UNC5A: variants seen among roughly 807,000 people sequenced by gnomAD.
The protein encoded by UNC5A is netrin receptor UNC5A.
Under a neutral mutation model 87.4 loss-of-function variants are expected in UNC5A, and 20 were observed. The ratio of observed to expected loss-of-function variants is 0.23; its 90% confidence interval spans 0.16 to 0.33. The LOEUF (loss-of-function observed/expected upper bound fraction) is 0.33. Ranked by LOEUF, UNC5A falls within the 10% of genes least tolerant of loss-of-function variation. The pLI is 1.00. For synonymous variants in UNC5A, 438 were observed against 482.3 expected (o/e 0.91, Z 1.20); for missense variants, 844 against 1,133.4 (o/e 0.74, Z 3.67).
chr5:176,853,605 C>G (rs976939406), intron 1 of UNC5A, among the ~76,000 whole-genome samples: 2 of 152,240 alleles, frequency 1.3e-5, no homozygotes, highest in African/African-American at 4.8e-5. Context: ...GAGTGCCGTG[C>G]TTGCCTGTAT....
At position 176,874,513 on chromosome 5, in the gene UNC5A, T is replaced by A; in HGVS notation, c.1325T>A (p.Met442Lys). Reference sequence around the variant, plus strand: ...TCCCTGCCCCGAGGCACCAGCAACATGACCTATGGGACCTTCAACTTCCTC... The same window carrying A: ...TCCCTGCCCCGAGGCACCAGCAACAAGACCTATGGGACCTTCAACTTCCTC... ...FRSLPRGTSN[M>K]TYGTFNFLGG... The change falls in exon 8 of 15, where the codon ATG becomes AAG. Residue 442 changes from methionine to lysine, a missense_variant. Physicochemically the swap from Met to Lys is moderately conservative, Grantham distance 95. Transcript: ENST00000329542. The surrounding 1 kb of genome is among the most constrained non-coding windows in gnomAD (Gnocchi z 7.6). The A allele has an allele frequency of 6.2e-7, 1 of 1,606,702 alleles. No homozygotes were observed. The highest frequency in any genetic ancestry group is 8.5e-7 in the Non-Finnish European group (1 of 1,175,598).
In UNC5A at chr5:176,873,838, A is replaced by G. The variant is rs117149017; in HGVS notation, c.887-130A>G. 2.0e-4 allele frequency: 184 copies of G among 897,650 alleles called. No individual in the cohort carries two copies. The East Asian group carries it at 4.5e-3, about 22-fold the overall frequency. The allele number at this position is 897,650 out of a possible 1,614,324, so 55.6% of individuals were successfully genotyped here. A position where few individuals can be genotyped will look rare whatever the true frequency, so the allele number is the denominator to read the frequency against. ...CACGGACTCCATGCTCCCTGCCACA[A>G]GCGTCTGCTCCCTAGCTAGTGCAGA... On this transcript the variant is annotated intron_variant, in intron 6 of 14. Coordinates refer to ENST00000329542, the MANE Select transcript of UNC5A (RefSeq NM_133369.3).
At chr5:176,828,283 A>T (rs1195962488) in intron 1 of UNC5A, among the ~76,000 whole-genome samples, 1 of 152,116 alleles carries the variant, frequency 6.6e-6, no homozygotes, top group Non-Finnish European at 1.5e-5. Context: ...AGTGATTAAG[A>T]GGTATTTGTT....
chr5:176,831,209 C>T lies in UNC5A; in HGVS notation c.70+20389C>T, dbSNP rs367669541. ...AATTATTGTTTTAATTACCTGCTGT[C>T]GCCATACAAGACAGGGAGGTTGTAA... On this transcript the variant is annotated intron_variant, in intron 1 of 14. Coordinates refer to ENST00000329542, the MANE Select transcript of UNC5A (RefSeq NM_133369.3). 3.1e-4 allele frequency among the ~76,000 whole-genome samples: 47 copies of T among 152,266 alleles called. 1 individual carries two copies. Among genetic ancestry groups the T allele is most frequent in the Middle Eastern group, 6.8e-3 (2 of 294 alleles).
chr5:176,856,781 A>C (rs1459723624), intron 1 of UNC5A, among the ~76,000 whole-genome samples: 19 of 143,978 alleles, frequency 1.3e-4, no homozygotes, highest in Non-Finnish European at 6.1e-5. Flanking sequence ...CTCCCCTCCC[A>C]CTCCTCACGC....
In UNC5A at chr5:176,874,163, G is replaced by A. The variant is rs768286964; in HGVS notation, c.1075+7G>A. 3 of 1,612,340 alleles carry A rather than the reference G, an allele frequency of 1.9e-6. No homozygotes were observed. Among genetic ancestry groups the A allele is most frequent in the Non-Finnish European group, 2.5e-6 (3 of 1,178,736 alleles). ...ATCAAGCCCAGCAAAGCAGGTGAGG[G>A]GCCCCGTGCCCCCAGCACTCCTGCC... On this transcript the variant is annotated splice_region_variant and intron_variant, in intron 7 of 14. Coordinates refer to ENST00000329542, the MANE Select transcript of UNC5A (RefSeq NM_133369.3). This position sits in a 1 kb window ranked among gnomAD's most constrained non-coding sequence, Gnocchi z 7.6.
At chr5:176,814,166 T>C (rs551350392) in intron 1 of UNC5A, among the ~76,000 whole-genome samples, 1 of 152,224 alleles carries the variant, frequency 6.6e-6, no homozygotes, top group African/African-American at 2.4e-5. Context: ...CCCTCGGGCC[T>C]CCTCCACTCA....
At chr5:176,849,757 G>A (rs1271914354) in intron 1 of UNC5A, among the ~76,000 whole-genome samples, 1 of 152,188 alleles carries the variant, frequency 6.6e-6, no homozygotes, top group African/African-American at 2.4e-5. Context: ...GTGGCCAGGT[G>A]GAGGCAGAGT....
intron 1 of UNC5A, among the ~76,000 whole-genome samples, chr5:176,819,071 C>T (rs992341956): frequency 6.6e-6 from 1 of 152,228 alleles, no homozygotes; most frequent in Non-Finnish European, 1.5e-5. Flanking sequence ...TCTGGGGCCG[C>T]ACAGGTTGGG....
chr5:176,868,935 G>T lies in UNC5A; in HGVS notation c.692G>T (p.Arg231Leu). The part of the protein sequence containing the change: ...CVAKNIVARR[R>L]SASAAVIVYV... ...GCCAAGAACATCGTGGCACGTCGCC[G>T]CAGCGCCTCCGCTGCTGTCATCGTC... is the stretch of plus-strand genomic sequence containing the variant. Residue 231 changes from arginine to leucine, a missense_variant, in exon 5 of 15, where the codon CGC (arginine) becomes CTC (leucine). Arg to Leu is a moderately radical substitution (Grantham distance 102). This residue lies in a region of UNC5A where 314 missense variants were observed against 466.5 expected (regional missense o/e 0.67). Coordinates refer to ENST00000329542, the MANE Select transcript of UNC5A (RefSeq NM_133369.3). 1 of 1,610,768 alleles carries T rather than the reference G, an allele frequency of 6.2e-7. No individual in the cohort carries two copies. The highest frequency in any genetic ancestry group is 1.1e-5 in the South Asian group (1 of 90,864).
chr5:176,863,284 A>G (rs1390109309), intron 2 of UNC5A, among the ~76,000 whole-genome samples: 1 of 152,218 alleles, frequency 6.6e-6, no homozygotes, highest in Non-Finnish European at 1.5e-5. Flanking sequence ...AGTGCATCCC[A>G]GGCAGGGGAC....
intron 10 of UNC5A, 78 bp from the exon 11 acceptor site, chr5:176,877,816 C>G (rs1758300785): frequency 1.3e-6 from 2 of 1,518,702 alleles, no homozygotes; most frequent in African/African-American, 2.7e-5. Flanking sequence ...TCCCCAGTCT[C>G]CGGCCACTTC....
At chr5:176,860,560 C>A (rs970754426) in intron 1 of UNC5A, among the ~76,000 whole-genome samples, 2 of 152,174 alleles carry the variant, frequency 1.3e-5, no homozygotes, top group Non-Finnish European at 2.9e-5. Flanking sequence ...GGTGACTGTA[C>A]ACTTGATGAG....
Position 176,841,795 on chromosome 5 carries a change from T to C in UNC5A, c.71-20829T>C, listed in dbSNP as rs1347573949. Among the ~76,000 whole-genome samples the C allele has an allele frequency of 6.6e-6, 1 of 152,172 alleles. No homozygotes were observed. Among genetic ancestry groups the C allele is most frequent in the Non-Finnish European group, 1.5e-5 (1 of 68,034 alleles). On this transcript the variant is annotated intron_variant, in intron 1 of 14. Coordinates refer to ENST00000329542, the MANE Select transcript of UNC5A (RefSeq NM_133369.3). This position sits in a 1 kb window ranked among gnomAD's most constrained non-coding sequence, Gnocchi z 4.1. ...AAATCTCACTTCTGAAAAGAAGGTATACAAATGGCCAACAATCATGAAAAA... is the reference window on the plus strand; with the variant it reads ...AAATCTCACTTCTGAAAAGAAGGTACACAAATGGCCAACAATCATGAAAAA...
At chr5:176,849,300 G>A (rs1470720514) in intron 1 of UNC5A, among the ~76,000 whole-genome samples, 2 of 152,188 alleles carry the variant, frequency 1.3e-5, no homozygotes, top group Non-Finnish European at 1.5e-5. Context: ...AAAAATCAGT[G>A]CAGGCTGGGC....
rs1027008862 is a variant in UNC5A, at chr5:176,875,975, C to T, written c.1379-1217C>T. The stretch of plus-strand genomic sequence containing the variant: ...CGGCATCTGTCAGCTCTTACAGAGA[C>T]GCAGGCGAACAGTGGGGCCCGGCAG... On this transcript the variant is annotated intron_variant, in intron 8 of 14. Coordinates refer to ENST00000329542, the MANE Select transcript of UNC5A (RefSeq NM_133369.3). This position sits in a 1 kb window ranked among gnomAD's most constrained non-coding sequence, Gnocchi z 5.2. Among the ~76,000 whole-genome samples the T allele has an allele frequency of 3.9e-5, 6 of 152,244 alleles. No homozygotes were observed. The highest frequency in any genetic ancestry group is 8.8e-5 in the Non-Finnish European group (6 of 68,054).
chr5:176,816,923 C>A (rs1414076160), intron 1 of UNC5A, among the ~76,000 whole-genome samples: 1 of 152,212 alleles, frequency 6.6e-6, no homozygotes, highest in Non-Finnish European at 1.5e-5. Context: ...GGGCTGGGGA[C>A]AGGCCTGGCT....
chr5:176,829,892 T>TTTTTTTTTTTTTTTTTA (rs1561643558), intron 1 of UNC5A, among the ~76,000 whole-genome samples: 2 of 146,156 alleles, frequency 1.4e-5, no homozygotes, highest in African/African-American at 2.5e-5. Flanking sequence ...TTTTTTTTTT[T>TTTTTTTTTTTTTTTTTA]GAGATGGAAT....
At chr5:176,820,258 G>C (rs1462241763) in intron 1 of UNC5A, among the ~76,000 whole-genome samples, 1 of 152,140 alleles carries the variant, frequency 6.6e-6, no homozygotes, top group African/African-American at 2.4e-5. Flanking sequence ...TTAGCCAGGC[G>C]TGGTGGCGGG....
Sources: allele counts gnomAD v4.1 joint callset (sites outside exome capture counted in the v4.1 genomes callset), GRCh38; gene constraint gnomAD v4.1.1; regional missense constraint gnomAD v4.1.1; non-coding constraint Gnocchi (gnomAD v3.1); transcripts MANE v1.5; gene names NCBI Gene and HGNC (gene_info 2026-07-23, HGNC 2026-07-21).